Variants in MTPAP observed in about 807,000 individuals in gnomAD.
MTPAP encodes the protein mitochondrial poly(A) polymerase, also known as poly(A) RNA polymerase, mitochondrial.
A neutral mutation model predicts 48.7 loss-of-function variants in MTPAP; 23 were observed. The ratio of observed to expected loss-of-function variants is 0.47; its 90% CI spans 0.34 to 0.67. The LOEUF is 0.67. MTPAP is among the 30% of genes least tolerant of loss of function. MTPAP has a pLI of 0.01. For synonymous variants in MTPAP, 257 were observed against 254.1 expected, an observed-to-expected ratio of 1.01 and a Z score of -0.11; for missense variants, 614 against 694.3, an observed-to-expected ratio of 0.88 and a Z score of 1.30.
chr10:30,318,820 G>A (rs1174431792), intron 6 of MTPAP, among the ~76,000 whole-genome samples: 1 of 152,130 alleles, frequency 6.6e-6, no homozygotes, highest in Non-Finnish European at 1.5e-5. Context: ...AAGACGCAGA[G>A]GTGAAGCAGA....
At chr10:30,314,956 A>G (rs908990255) in intron 8 of MTPAP, among the ~76,000 whole-genome samples, 1 of 152,042 alleles carries the variant, frequency 6.6e-6, no homozygotes, top group Non-Finnish European at 1.5e-5. Flanking sequence ...TGACTAACAT[A>G]AGCCATTAGT....
intron 6 of MTPAP, among the ~76,000 whole-genome samples, chr10:30,321,535 A>G (rs1840724439): frequency 6.6e-6 from 1 of 152,232 alleles, no homozygotes; most frequent in East Asian, 1.9e-4. Flanking sequence ...CTAAGATGAA[A>G]TGTTCCAAGG....
At chr10:30,330,116 TAAATA>T (rs1256797494) in intron 4 of MTPAP, among the ~76,000 whole-genome samples, 2 of 152,176 alleles carry the variant, frequency 1.3e-5, no homozygotes, top group African/African-American at 4.8e-5. Context: ...AAAAATAGAT[TAAATA>T]AATCACTGTA....
At chr10:30,323,676 A>AT (rs1834541734) in intron 5 of MTPAP, among the ~76,000 whole-genome samples, 1 of 151,808 alleles carries the variant, frequency 6.6e-6, no homozygotes, top group Non-Finnish European at 1.5e-5. Flanking sequence ...CGCCCGGCTA[A>AT]TTTTTTTGTA....
intron 8 of MTPAP, among the ~76,000 whole-genome samples, chr10:30,314,329 G>T (rs1840635962): frequency 6.6e-6 from 1 of 151,584 alleles, no homozygotes; most frequent in Non-Finnish European, 1.5e-5. Context: ...GCATGAAAGG[G>T]AAAAAAATGA....
At chr10:30,318,237 T>C (rs897132357) in intron 6 of MTPAP, among the ~76,000 whole-genome samples, 3 of 152,120 alleles carry the variant, frequency 2.0e-5, no homozygotes, top group Non-Finnish European at 2.9e-5. Context: ...ATTTTTTGTG[T>C]TTTTTGTCAT....
At chr10:30,337,564 G>T (rs1292780851) in intron 3 of MTPAP, among the ~76,000 whole-genome samples, 2 of 152,108 alleles carry the variant, frequency 1.3e-5, no homozygotes, top group Non-Finnish European at 2.9e-5. Flanking sequence ...GCAGGACCTC[G>T]TCTCTATTTC....
intron 4 of MTPAP, among the ~76,000 whole-genome samples, chr10:30,328,966 A>G (rs1175850021): frequency 6.6e-6 from 1 of 152,096 alleles, no homozygotes. Context: ...ACAGGGTATC[A>G]TAGGCTGCCT....
chr10:30,339,226 C>G (rs1004233833), intron 3 of MTPAP, among the ~76,000 whole-genome samples: 2 of 152,046 alleles, frequency 1.3e-5, no homozygotes, highest in African/African-American at 4.8e-5. Context: ...GTGGCTCACA[C>G]CTATAATCCC....
chr10:30,344,929 C>A (rs1834855441), intron 1 of MTPAP, among the ~76,000 whole-genome samples: 1 of 152,184 alleles, frequency 6.6e-6, no homozygotes, highest in African/African-American at 2.4e-5. Flanking sequence ...CTCTTGAACT[C>A]CTGACCTCAG....
In MTPAP at chr10:30,313,518, A is replaced by T; in HGVS notation, c.*91T>A. 2 of 1,520,798 alleles carry T rather than the reference A, an allele frequency of 1.3e-6. No individual in the cohort carries two copies. The highest frequency in any genetic ancestry group is 1.8e-6 in the Non-Finnish European group (2 of 1,101,792). 94.2% of individuals were successfully genotyped at this position (1,520,798 alleles called of 1,614,324 possible). A position where few individuals can be genotyped will look rare whatever the true frequency, so the allele number is the denominator to read the frequency against. ...GAAAAGTGACATCAGATGAAAGCTG[A>T]GATCTGTGAAAGTTTCAAATCAGTT... On this transcript the variant is annotated 3_prime_UTR_variant, in exon 9 of 9. Transcript: ENST00000263063.
At chr10:30,317,259 C>T (rs1301814785) in intron 6 of MTPAP, among the ~76,000 whole-genome samples, 1 of 152,178 alleles carries the variant, frequency 6.6e-6, no homozygotes, top group Non-Finnish European at 1.5e-5. Flanking sequence ...GTTCCCCCAT[C>T]TTTCACCAAA....
rs529383792 is a variant in MTPAP at position 30,348,275 on chromosome 10, A to G, written c.157+844T>C. ...GTCTTTTATACAGTCTGATAAAGAC[A>G]CCAGCTTATTTTAGGGAAAAAATAG... is the stretch of plus-strand genomic sequence containing the variant. On this transcript the variant is annotated intron_variant, in intron 1 of 8. Coordinates refer to ENST00000263063, the MANE Select transcript of MTPAP (RefSeq NM_018109.4). Among the ~76,000 whole-genome samples the G allele has an allele frequency of 6.7e-4, 102 of 152,364 alleles. 1 individual carries two copies. The Middle Eastern group carries it at 0.01, about 15-fold the overall frequency.
chr10:30,311,150 G>A lies in MTPAP; in HGVS notation c.*2459C>T, dbSNP rs1840588635. On this transcript the variant is annotated 3_prime_UTR_variant, in exon 9 of 9. Transcript: ENST00000263063. Reference sequence around the variant, plus strand: ...AAATTTCATTTAGAAACCCTTAAGTGGTTTATGCTTTTTAAGCTTTTTAAA... The same window carrying A: ...AAATTTCATTTAGAAACCCTTAAGTAGTTTATGCTTTTTAAGCTTTTTAAA... 1 of 152,078 alleles carries A rather than the reference G, an allele frequency of 6.6e-6. No individual in the cohort carries two copies. Among genetic ancestry groups the A allele is most frequent in the South Asian group, 2.1e-4 (1 of 4,832 alleles). 9.4% of individuals were successfully genotyped at this position (152,078 alleles called of 1,614,324 possible).
chr10:30,340,197 TA>T (rs1834782969), intron 3 of MTPAP, 28 bp downstream of exon 3: 2 of 1,537,270 alleles, frequency 1.3e-6, no homozygotes, highest in Non-Finnish European at 1.8e-6. Flanking sequence ...TACATAGTTC[TA>T]AAAGTTGAGG....
chr10:30,323,711 C>T (rs34224801), intron 5 of MTPAP, among the ~76,000 whole-genome samples: 61,213 of 151,926 alleles, frequency 0.4, 15,295 homozygotes, highest in Middle Eastern at 0.56. Context: ...GGGGTTTCAC[C>T]GTGTTAGCCA....
intron 4 of MTPAP, among the ~76,000 whole-genome samples, chr10:30,331,111 T>C (rs555792885): frequency 6.6e-6 from 1 of 152,258 alleles, no homozygotes; most frequent in African/African-American, 2.4e-5. Flanking sequence ...TAGGGAAAAT[T>C]TAGATGAAAA....
At chr10:30,348,804 T>C (rs916407055) in intron 1 of MTPAP, 12 of 389,640 alleles carry the variant, frequency 3.1e-5, no homozygotes, top group African/African-American at 8.1e-5. Context: ...ATTACTATCA[T>C]TGGGAACACT....
intron 1 of MTPAP, among the ~76,000 whole-genome samples, chr10:30,345,308 T>G (rs1366522957): frequency 2.0e-5 from 3 of 152,230 alleles, no homozygotes; most frequent in Non-Finnish European, 2.9e-5. Context: ...TTTATCATAG[T>G]TTAGCCAAAT....
Sources: allele counts gnomAD v4.1 joint callset (sites outside exome capture counted in the v4.1 genomes callset), GRCh38; gene constraint gnomAD v4.1.1; transcripts MANE v1.5; gene names NCBI Gene and HGNC (gene_info 2026-07-23, HGNC 2026-07-21).